ERC2: variants seen among roughly 807,000 people sequenced by gnomAD.
ERC2 encodes ERC protein 2.
A neutral mutation model predicts 114.8 loss-of-function variants in ERC2; 42 were observed. The ratio of observed to expected loss-of-function variants is 0.37; its 90% CI spans 0.29 to 0.47. ERC2 has a LOEUF of 0.47. Ranked by LOEUF, ERC2 falls within the 20% of genes least tolerant of loss-of-function variation. ERC2 has a pLI of 0.99. For missense variants in ERC2, 939 were observed against 1,150.7 expected (o/e 0.82, Z 2.66); for synonymous variants, 454 against 425.5 (o/e 1.07, Z -0.82).
chr3:55,523,105 C>T (rs1210318459), intron 17 of ERC2, among the ~76,000 whole-genome samples: 1 of 152,174 alleles, frequency 6.6e-6, no homozygotes, highest in Admixed American at 6.5e-5. Flanking sequence ...GGCCAGAGAC[C>T]AAGGGACTGG....
At chr3:56,344,850 T>C (rs1407550679) in intron 2 of ERC2, among the ~76,000 whole-genome samples, 1 of 152,182 alleles carries the variant, frequency 6.6e-6, no homozygotes, top group African/African-American at 2.4e-5. Flanking sequence ...TGTTTTCCAA[T>C]TCTAAGCACA....
intron 17 of ERC2, among the ~76,000 whole-genome samples, chr3:55,534,403 A>AAAG: frequency 6.6e-6 from 1 of 151,564 alleles, no homozygotes; most frequent in East Asian, 1.9e-4. Flanking sequence ...GTCAAAAAAA[A>AAAG]AAAAAAAAGG....
chr3:56,280,755 G>C (rs1368356941), intron 3 of ERC2, among the ~76,000 whole-genome samples: 1 of 152,208 alleles, frequency 6.6e-6, no homozygotes, highest in African/African-American at 2.4e-5. Context: ...CTATGGTTAT[G>C]ATATATGCTA....
At chr3:55,755,043 A>C (rs2066960435) in intron 14 of ERC2, among the ~76,000 whole-genome samples, 1 of 152,130 alleles carries the variant, frequency 6.6e-6, no homozygotes, top group African/African-American at 2.4e-5. Context: ...AGTAATTATA[A>C]ATAAAATGCT....
chr3:55,694,285 G>T (rs1366248182), intron 16 of ERC2, among the ~76,000 whole-genome samples: 1 of 152,060 alleles, frequency 6.6e-6, no homozygotes, highest in Non-Finnish European at 1.5e-5. Context: ...TATGCAATGG[G>T]GATACTTCCA....
chr3:56,176,070 T>C (rs1236387237), intron 3 of ERC2, among the ~76,000 whole-genome samples: 2 of 152,204 alleles, frequency 1.3e-5, no homozygotes, highest in Admixed American at 6.5e-5. Flanking sequence ...ACTGTACCAA[T>C]AAAAACTCAT....
chr3:56,325,201 T>C (rs1034669698), intron 2 of ERC2, among the ~76,000 whole-genome samples: 30 of 151,998 alleles, frequency 2.0e-4, no homozygotes, highest in African/African-American at 7.2e-4. Context: ...TCCCAGCACT[T>C]TGGGAGGCCG....
intron 3 of ERC2, among the ~76,000 whole-genome samples, chr3:56,200,506 A>C (rs936023649): frequency 6.6e-5 from 10 of 152,184 alleles, no homozygotes; most frequent in African/African-American, 1.4e-4. Flanking sequence ...TAAAACTCCA[A>C]GTGGCTGTTG....
intron 6 of ERC2, among the ~76,000 whole-genome samples, chr3:56,126,342 G>T (rs1278213507): frequency 6.6e-6 from 1 of 152,158 alleles, no homozygotes; most frequent in Non-Finnish European, 1.5e-5. Flanking sequence ...ACAGAATGAA[G>T]AACATAAACC....
intron 7 of ERC2, among the ~76,000 whole-genome samples, chr3:56,064,817 C>G (rs2076399158): frequency 6.6e-6 from 1 of 152,258 alleles, no homozygotes; most frequent in Non-Finnish European, 1.5e-5. Flanking sequence ...ATGGGCCAAA[C>G]TGGCCCACTG....
Position 55,596,561 on chromosome 3 carries a change from G to A in ERC2, c.*40-85285C>T, listed in dbSNP as rs372702418. On this transcript the variant is annotated intron_variant, in intron 17 of 17. Coordinates refer to ENST00000288221, the MANE Select transcript of ERC2 (RefSeq NM_015576.3). ...GCCATGCACTCCAGCCAGGGTTATT[G>A]AGCAAGATCCTGTCTCTGAAAATAA... Among the ~76,000 whole-genome samples, 7 of 152,284 alleles carry A rather than the reference G, an allele frequency of 4.6e-5. No individual in the cohort carries two copies. In the East Asian group the frequency reaches 1.4e-3, roughly 29 times the overall value.
At position 55,675,950 on chromosome 3, in the gene ERC2, C is replaced by T. The variant is rs371713342; in HGVS notation, c.*39+7844G>A. 1.1e-4 allele frequency among the ~76,000 whole-genome samples: 9 copies of T among 80,802 alleles called. No individual in the cohort carries two copies. In the East Asian group the frequency reaches 2.2e-3, roughly 20 times the overall value. The allele number at this position is 80,802 out of a possible 152,430, so 53.0% of individuals were successfully genotyped here. ...TTTTTTTTTTTTTGAGAGAGAGTTT[C>T]GCTCTTGTCGTCCAGACTGGAGTGC... On this transcript the variant is annotated intron_variant, in intron 17 of 17. Transcript: ENST00000288221.
At position 55,946,626 on chromosome 3, in the gene ERC2, C is replaced by T. The variant is rs368932252; in HGVS notation, c.2403+3799G>A. On this transcript the variant is annotated intron_variant, in intron 13 of 17. Coordinates refer to ENST00000288221, the MANE Select transcript of ERC2 (RefSeq NM_015576.3). ...GCCCAGGGAGGTAAAGATTGTAATC[C>T]CCATTTACAGATGAAAAAAGTAAGG... Among the ~76,000 whole-genome samples, 16 of 152,120 alleles carry T rather than the reference C, an allele frequency of 1.1e-4. No individual in the cohort carries two copies. The East Asian group carries it at 1.7e-3, about 17-fold the overall frequency.
At chr3:56,015,145 G>C (rs942831955) in intron 8 of ERC2, among the ~76,000 whole-genome samples, 1 of 151,974 alleles carries the variant, frequency 6.6e-6, no homozygotes, top group Admixed American at 6.6e-5. Context: ...GTCAAATAAG[G>C]TAACTCAATG....
In ERC2 at chr3:55,640,115, G is replaced by T. The variant is rs554653786; in HGVS notation, c.*39+43679C>A. Among the ~76,000 whole-genome samples the T allele has an allele frequency of 9.9e-4, 150 of 152,282 alleles. 1 individual carries two copies. Among genetic ancestry groups the T allele is most frequent in the African/African-American group, 3.4e-3 (143 of 41,570 alleles). ...CCTGTGGCTGCACTTCACCTCCCCCGCAGAGAAGTCTGTGGCTGTGTTAGT... is the reference window on the plus strand; with the variant it reads ...CCTGTGGCTGCACTTCACCTCCCCCTCAGAGAAGTCTGTGGCTGTGTTAGT... On this transcript the variant is annotated intron_variant, in intron 17 of 17. Transcript: ENST00000288221.
At chr3:55,730,366 G>A (rs1362977348) in intron 15 of ERC2, among the ~76,000 whole-genome samples, 1 of 152,178 alleles carries the variant, frequency 6.6e-6, no homozygotes, top group Non-Finnish European at 1.5e-5. Context: ...AGAGTAGGTA[G>A]GCAATAAGTT....
At chr3:56,418,013 G>A (rs2061235116) in intron 2 of ERC2, among the ~76,000 whole-genome samples, 2 of 152,124 alleles carry the variant, frequency 1.3e-5, no homozygotes, top group South Asian at 4.1e-4. Context: ...AGGGGCCGGG[G>A]CAGTGGCTCA....
chr3:55,604,021 G>T (rs1196677513), intron 17 of ERC2, among the ~76,000 whole-genome samples: 4 of 152,110 alleles, frequency 2.6e-5, no homozygotes, highest in African/African-American at 9.7e-5. Context: ...TTCCCACTGT[G>T]CCTGCCAGGC....
intron 12 of ERC2, among the ~76,000 whole-genome samples, chr3:55,964,923 A>G (rs1031093587): frequency 2.0e-5 from 3 of 152,202 alleles, no homozygotes; most frequent in African/African-American, 7.2e-5. Flanking sequence ...GTTCCTTGCC[A>G]TGTGGCCTTC....
Sources: allele counts gnomAD v4.1 joint callset (sites outside exome capture counted in the v4.1 genomes callset), GRCh38; gene constraint gnomAD v4.1.1; transcripts MANE v1.5; gene names NCBI Gene and HGNC (gene_info 2026-07-23, HGNC 2026-07-21).